IGSF3: variants seen among roughly 807,000 people sequenced by gnomAD.
IGSF3 encodes glu-Trp-Ile EWI motif-containing protein 3.
IGSF3 carries 23 observed loss-of-function variants against 114.4 expected under a neutral mutation model. The observed-to-expected ratio is 0.20, with a 90% confidence interval of 0.14 to 0.28. The LOEUF (loss-of-function observed/expected upper bound fraction) is 0.28, where lower values mean the gene tolerates loss of function less well. IGSF3 is among the 10% of genes least tolerant of loss of function. The probability of loss-of-function intolerance (pLI) is 1.00; values close to 1 mark genes in which losing one functional copy is unlikely to be tolerated. For missense variants in IGSF3, 1,172 were observed against 1,591.5 expected (o/e 0.74, Z 4.48); for synonymous variants, 571 against 645.2 (o/e 0.88, Z 1.74).
At chr1:116,620,163 C>T (rs1196704471) in intron 2 of IGSF3, among the ~76,000 whole-genome samples, 3 of 152,034 alleles carry the variant, frequency 2.0e-5, no homozygotes. Flanking sequence ...AATGGGAGTA[C>T]CTTTTGTTAT....
At chr1:116,623,534 A>C in intron 2 of IGSF3, among the ~76,000 whole-genome samples, 1 of 151,852 alleles carries the variant, frequency 6.6e-6, no homozygotes, top group East Asian at 1.9e-4. Context: ...AAAAATACAA[A>C]AATTAGCCGG....
At chr1:116,640,071 A>AAAGG (rs1414535137) in intron 2 of IGSF3, among the ~76,000 whole-genome samples, 7 of 149,196 alleles carry the variant, frequency 4.7e-5, no homozygotes, top group African/African-American at 1.5e-4. Flanking sequence ...AGAAAGAAAG[A>AAAGG]AAGGAAGGAA....
intron 6 of IGSF3, among the ~76,000 whole-genome samples, chr1:116,602,929 T>C (rs951438749): frequency 5.9e-5 from 9 of 152,228 alleles, no homozygotes; most frequent in African/African-American, 2.2e-4. Context: ...TATCTTTTCA[T>C]TCCACGCTAA....
intron 2 of IGSF3, among the ~76,000 whole-genome samples, chr1:116,663,468 C>T (rs966108098): frequency 6.7e-6 from 1 of 149,518 alleles, no homozygotes. Flanking sequence ...GCTTAAATGG[C>T]TTTGTAATTG....
rs1047962364 is a variant in IGSF3 at position 116,657,720 on chromosome 1, G to A, written c.43+8564C>T. On this transcript the variant is annotated intron_variant, in intron 2 of 10. Transcript: ENST00000369486. This position sits in a 1 kb window ranked among gnomAD's most constrained non-coding sequence, Gnocchi z 4.2. ...CAGCGATGCCACAGGTGTACCCAGT[G>A]CCCTGCCGAGAGCAGAGACAGTGTT... 1.3e-5 allele frequency among the ~76,000 whole-genome samples: 2 copies of A among 152,282 alleles called. No individual in the cohort carries two copies. Among genetic ancestry groups the A allele is most frequent in the Non-Finnish European group, 2.9e-5 (2 of 68,020 alleles).
rs781608159 is a variant in IGSF3 at position 116,588,784 on chromosome 1, C to T, written c.2350G>A (p.Val784Met). 9 of 1,614,078 alleles carry T rather than the reference C, an allele frequency of 5.6e-6. No individual in the cohort carries two copies. The highest frequency in any genetic ancestry group is 1.7e-6 in the Non-Finnish European group (2 of 1,180,028). Residue 784 changes from valine to methionine, a missense_variant, in exon 8 of 11, where the codon GTG becomes ATG. By Grantham distance (21) the Val-to-Met change is conservative. Transcript: ENST00000369486. This position sits in a 1 kb window ranked among gnomAD's most constrained non-coding sequence, Gnocchi z 4.9. ...TTGGGGCTCAGCAGCCACTCCTCCA[C>T]GTGGCAGTAGTAGCTGCCGCTGTCG... Reference protein sequence around the residue: ...VSDSGSYYCHVEEWLLSPNYA... With the variant: ...VSDSGSYYCHMEEWLLSPNYA...
At chr1:116,581,760 T>C (rs563962315) in intron 9 of IGSF3, among the ~76,000 whole-genome samples, 4 of 152,222 alleles carry the variant, frequency 2.6e-5, no homozygotes, top group Non-Finnish European at 5.9e-5. Context: ...GAACAGAATA[T>C]GGCCGGGTGG....
rs554394689 is a variant in IGSF3 at position 116,638,496 on chromosome 1, G to C, written c.44-22039C>G. On this transcript the variant is annotated intron_variant, in intron 2 of 10. Transcript: ENST00000369486. The surrounding 1 kb of genome is among the most constrained non-coding windows in gnomAD (Gnocchi z 4.1). ...CCAAACTCCGTGTCTTGGTATCCAA[G>C]GCTTCAAAAGTCTGGCCCCATTCCA... 6.0e-4 allele frequency among the ~76,000 whole-genome samples: 91 copies of C among 152,224 alleles called. No individual in the cohort carries two copies. Among genetic ancestry groups the C allele is most frequent in the Non-Finnish European group, 1.1e-3 (73 of 68,018 alleles).
At chr1:116,646,915 C>T (rs1648402645) in intron 2 of IGSF3, 1 of 152,320 alleles carries the variant, frequency 6.6e-6, no homozygotes, top group African/African-American at 2.4e-5. Context: ...CAGCACCGCA[C>T]ACTTAAACGG....
In IGSF3 at chr1:116,613,887, T is replaced by A. The variant is rs1251172889; in HGVS notation, c.710A>T (p.Gln237Leu). 3 of 1,613,880 alleles carry A rather than the reference T, an allele frequency of 1.9e-6. No individual in the cohort carries two copies. In the African/African-American group the frequency reaches 4.0e-5, roughly 22 times the overall value. ...TTFRLTIFHL[Q>L]PSDQGEFYCE... ...GTAGAATTCGCCCTGGTCAGAAGGC[T>A]GCAGGTGGAAGATGGTGAGGCGGAA... is the stretch of plus-strand genomic sequence containing the variant. The change falls in exon 4 of 11, where the codon CAG (glutamine) becomes CTG (leucine). Residue 237 changes from glutamine (Q) to leucine (L), a missense_variant. By Grantham distance (113) the Gln-to-Leu change is moderately radical. Coordinates refer to ENST00000369486, the MANE Select transcript of IGSF3 (RefSeq NM_001007237.3).
chr1:116,645,168 T>C (rs1278413234), intron 2 of IGSF3, among the ~76,000 whole-genome samples: 1 of 152,232 alleles, frequency 6.6e-6, no homozygotes, highest in Non-Finnish European at 1.5e-5. Context: ...GGAACACTAC[T>C]CAGCAATAAA....
Position 116,588,231 on chromosome 1 carries a change from A to T in IGSF3, c.2440+463T>A, listed in dbSNP as rs1659936551. On this transcript the variant is annotated intron_variant, in intron 8 of 10. Transcript: ENST00000369486. The surrounding 1 kb of genome is among the most constrained non-coding windows in gnomAD (Gnocchi z 4.9). The stretch of plus-strand genomic sequence containing the variant: ...AGAGGAGGAATGATTCAGTTTGGAG[A>T]TAGGAAAGGCTTGTCTGGGCGGGCT... 6.6e-6 allele frequency among the ~76,000 whole-genome samples: 1 copy of T among 152,108 alleles called. No individual in the cohort carries two copies. Among genetic ancestry groups the T allele is most frequent in the African/African-American group, 2.4e-5 (1 of 41,388 alleles).
In IGSF3 at chr1:116,634,237, A is replaced by C. The variant is rs1470505657; in HGVS notation, c.44-17780T>G. ...CATGCCACGACAAGGCAAAATGAGG[A>C]GACAGTATAAAAAAGACAAGGATAA... On this transcript the variant is annotated intron_variant, in intron 2 of 10. Transcript: ENST00000369486. This position sits in a 1 kb window ranked among gnomAD's most constrained non-coding sequence, Gnocchi z 4.2. 1.3e-5 allele frequency among the ~76,000 whole-genome samples: 2 copies of C among 152,262 alleles called. No individual in the cohort carries two copies. The highest frequency in any genetic ancestry group is 2.9e-5 in the Non-Finnish European group (2 of 68,050).
In IGSF3 at chr1:116,614,268, C is replaced by T. The variant is rs1484913026; in HGVS notation, c.422-93G>A. 9 of 982,918 alleles carry T rather than the reference C, an allele frequency of 9.2e-6. No homozygotes were observed. The highest frequency in any genetic ancestry group is 1.4e-5 in the Non-Finnish European group (9 of 637,530). 60.9% of individuals were successfully genotyped at this position (982,918 alleles called of 1,614,324 possible). A position where few individuals can be genotyped will look rare whatever the true frequency, so the allele number is the denominator to read the frequency against. On this transcript the variant is annotated intron_variant, in intron 3 of 10. Coordinates refer to ENST00000369486, the MANE Select transcript of IGSF3 (RefSeq NM_001007237.3). The surrounding 1 kb of genome is among the most constrained non-coding windows in gnomAD (Gnocchi z 4.5). Reference sequence around the variant, plus strand: ...CTCCCATTCCACGCAGGCGTCACTGCACTGCGCCCCTAACAGTCATCCTTG... The same window carrying T: ...CTCCCATTCCACGCAGGCGTCACTGTACTGCGCCCCTAACAGTCATCCTTG...
In IGSF3 at chr1:116,600,076, T is replaced by C. The variant is rs1446363518; in HGVS notation, c.1894A>G (p.Ile632Val). ...GCTTCCGTGTCACTGGCTCGGCTGA[T>C]GCTTAGGCGGACGTTGTTGCTGGAC... ...AESSNNVRLS[I>V]SRASDTEAGK... Residue 632 changes from isoleucine (I) to valine (V), a missense_variant, in exon 7 of 11, where the codon ATC becomes GTC. Around this residue, in one of 3 missense-constraint regions of IGSF3, gnomAD observed 736 missense variants for 1,042.0 expected, o/e 0.71. Transcript: ENST00000369486. The surrounding 1 kb of genome is among the most constrained non-coding windows in gnomAD (Gnocchi z 5.5). The C allele has an allele frequency of 1.2e-6, 2 of 1,614,206 alleles. No individual in the cohort carries two copies. The highest frequency in any genetic ancestry group is 3.3e-5 in the Admixed American group (2 of 60,024).
Position 116,595,475 on chromosome 1 carries a change from T to C in IGSF3, c.2029+4466A>G, listed in dbSNP as rs981873495. ...CCAGTGTTCACATGCTCTGGACTCA[T>C]GGAAGTCAAAGAAAAGCCCTCTGCT... On this transcript the variant is annotated intron_variant, in intron 7 of 10. Coordinates refer to ENST00000369486, the MANE Select transcript of IGSF3 (RefSeq NM_001007237.3). The surrounding 1 kb of genome is among the most constrained non-coding windows in gnomAD (Gnocchi z 4.2). Among the ~76,000 whole-genome samples the C allele has an allele frequency of 6.6e-6, 1 of 152,268 alleles. No individual in the cohort carries two copies. Among genetic ancestry groups the C allele is most frequent in the Admixed American group, 6.5e-5 (1 of 15,306 alleles).
At chr1:116,630,526 T>G (rs1647525701) in intron 2 of IGSF3, among the ~76,000 whole-genome samples, 1 of 152,156 alleles carries the variant, frequency 6.6e-6, no homozygotes, top group Non-Finnish European at 1.5e-5. Context: ...AAATTGTCAG[T>G]GGGATACAGA....
At chr1:116,587,293 T>G (rs1199533189) in intron 8 of IGSF3, among the ~76,000 whole-genome samples, 1 of 152,230 alleles carries the variant, frequency 6.6e-6, no homozygotes, top group Non-Finnish European at 1.5e-5. Flanking sequence ...AAATACTTCA[T>G]AATTACTTAT....
rs747227436 is a variant in IGSF3 at position 116,665,353 on chromosome 1, C to T, written c.43+931G>A. On this transcript the variant is annotated intron_variant, in intron 2 of 10. Transcript: ENST00000369486. This position sits in a 1 kb window ranked among gnomAD's most constrained non-coding sequence, Gnocchi z 4.0. Reference sequence around the variant, plus strand: ...CATAATCCCTTCTGAATGCAGAGGACCGAGCCTTACAGAGAGGGCAGGGGG... The same window carrying T: ...CATAATCCCTTCTGAATGCAGAGGATCGAGCCTTACAGAGAGGGCAGGGGG... 1.3e-5 allele frequency among the ~76,000 whole-genome samples: 2 copies of T among 152,150 alleles called. No homozygotes were observed. The highest frequency in any genetic ancestry group is 2.9e-5 in the Non-Finnish European group (2 of 68,038).
Sources: allele counts gnomAD v4.1 joint callset (sites outside exome capture counted in the v4.1 genomes callset), GRCh38; gene constraint gnomAD v4.1.1; regional missense constraint gnomAD v4.1.1; non-coding constraint Gnocchi (gnomAD v3.1); transcripts MANE v1.5; gene names NCBI Gene and HGNC (gene_info 2026-07-23, HGNC 2026-07-21).